Variants in DLG2 observed in about 807,000 individuals in gnomAD.
The protein encoded by DLG2 is disks large homolog 2.
DLG2 carries 45 observed loss-of-function variants against 132.5 expected under a neutral mutation model. The ratio of observed to expected loss-of-function variants is 0.34; its 90% CI spans 0.27 to 0.44. DLG2 has a LOEUF of 0.44. Among genes scored for constraint, DLG2 ranks in the 20% least tolerant of loss-of-function variants. DLG2 has a pLI of 1.00. For missense variants in DLG2, 1,045 were observed against 1,196.9 expected (o/e 0.87, Z 1.87); for synonymous variants, 424 against 419.6 (o/e 1.01, Z -0.13).
chr11:85,511,186 C>T (rs2094058509), intron 3 of DLG2, among the ~76,000 whole-genome samples: 1 of 151,774 alleles, frequency 6.6e-6, no homozygotes, highest in Non-Finnish European at 1.5e-5. Context: ...AACACATGGA[C>T]ACAGGAAGGG....
chr11:84,433,236 A>T (rs2098990132), intron 7 of DLG2, among the ~76,000 whole-genome samples: 1 of 152,214 alleles, frequency 6.6e-6, no homozygotes, highest in Admixed American at 6.5e-5. Context: ...AAACAAAACA[A>T]ATGAAATAAG....
intron 18 of DLG2, among the ~76,000 whole-genome samples, chr11:83,662,303 A>C (rs954013374): frequency 2.0e-5 from 3 of 152,192 alleles, no homozygotes; most frequent in African/African-American, 7.2e-5. Context: ...TTTCAAAGTC[A>C]ATACAGATTG....
intron 10 of DLG2, among the ~76,000 whole-genome samples, chr11:84,064,419 GAGGCTTGGTCAC>G (rs2096640438): frequency 6.6e-6 from 1 of 152,116 alleles, no homozygotes; most frequent in African/African-American, 2.4e-5. Flanking sequence ...CATGGCTTGG[GAGGCTTGGTCAC>G]AGCCAGATAG....
chr11:84,646,024 G>T (rs1486407450), intron 6 of DLG2, among the ~76,000 whole-genome samples: 1 of 152,204 alleles, frequency 6.6e-6, no homozygotes, highest in African/African-American at 2.4e-5. Context: ...TGAGAAGGGG[G>T]CCAGCTCTGA....
intron 8 of DLG2, among the ~76,000 whole-genome samples, chr11:84,200,160 G>A (rs1204924044): frequency 2.6e-5 from 4 of 151,936 alleles, no homozygotes; most frequent in Non-Finnish European, 5.9e-5. Flanking sequence ...CGAAGGGAAG[G>A]AAAAATTAGT....
At chr11:85,074,969 T>A (rs1414010835) in intron 6 of DLG2, among the ~76,000 whole-genome samples, 2 of 151,874 alleles carry the variant, frequency 1.3e-5, no homozygotes, top group Non-Finnish European at 2.9e-5. Context: ...ATGCTCTCCT[T>A]TCCATTGTTT....
At chr11:84,415,607 G>T (rs188267124) in intron 7 of DLG2, among the ~76,000 whole-genome samples, 19 of 152,226 alleles carry the variant, frequency 1.2e-4, no homozygotes, top group African/African-American at 4.3e-4. Context: ...ATTAGGATTC[G>T]TGATTCCAAA....
chr11:84,022,538 T>C (rs1160451408), intron 11 of DLG2, among the ~76,000 whole-genome samples: 1 of 152,214 alleles, frequency 6.6e-6, no homozygotes, highest in Non-Finnish European at 1.5e-5. Flanking sequence ...ACTCAGCTGC[T>C]AGCAGGAGAG....
At chr11:84,476,248 T>A (rs771847864) in intron 7 of DLG2, among the ~76,000 whole-genome samples, 1 of 152,150 alleles carries the variant, frequency 6.6e-6, no homozygotes, top group Non-Finnish European at 1.5e-5. Context: ...ATGGCTTGTG[T>A]GCTGACCTTC....
At chr11:85,153,665 T>G (rs1594886101) in intron 5 of DLG2, among the ~76,000 whole-genome samples, 1 of 152,168 alleles carries the variant, frequency 6.6e-6, no homozygotes, top group South Asian at 2.1e-4. Context: ...AAATATGAAG[T>G]ATTTATTCCT....
intron 3 of DLG2, among the ~76,000 whole-genome samples, chr11:85,498,336 C>T (rs1326514145): frequency 6.6e-6 from 1 of 152,066 alleles, no homozygotes; most frequent in Non-Finnish European, 1.5e-5. Context: ...ACAAAGAATG[C>T]CATTACATAA....
At position 84,896,625 on chromosome 11, in the gene DLG2, C is replaced by G. The variant is rs548733619; in HGVS notation, c.357+215036G>C. Among the ~76,000 whole-genome samples the G allele has an allele frequency of 3.9e-5, 6 of 152,116 alleles. No individual in the cohort carries two copies. In the South Asian group the frequency reaches 1.2e-3, roughly 31 times the overall value. On this transcript the variant is annotated intron_variant, in intron 6 of 27. Transcript: ENST00000376104. ...ATGATGCATATGAAAACAGCATAAACAGAGATAGTAGTTGCCACTTATCCA... is the reference window on the plus strand; with the variant it reads ...ATGATGCATATGAAAACAGCATAAAGAGAGATAGTAGTTGCCACTTATCCA...
At chr11:84,050,412 A>T (rs926941621) in intron 11 of DLG2, among the ~76,000 whole-genome samples, 1 of 151,686 alleles carries the variant, frequency 6.6e-6, no homozygotes, top group African/African-American at 2.4e-5. Context: ...TAGATTCTGG[A>T]TATTAGCCTT....
intron 19 of DLG2, among the ~76,000 whole-genome samples, chr11:83,561,553 T>C (rs1403216792): frequency 6.6e-6 from 1 of 152,246 alleles, no homozygotes; most frequent in African/African-American, 2.4e-5. Flanking sequence ...TTATTTGTAC[T>C]GTAGCTTAGT....
chr11:83,751,388 C>T (rs1593626272), intron 18 of DLG2, among the ~76,000 whole-genome samples: 2 of 152,002 alleles, frequency 1.3e-5, no homozygotes, highest in South Asian at 4.2e-4. Context: ...AGGACTTTGG[C>T]TTTTGCTCTG....
At chr11:84,961,527 TG>T (rs1167466665) in intron 6 of DLG2, among the ~76,000 whole-genome samples, 3 of 12,562 alleles carry the variant, frequency 2.4e-4, no homozygotes, top group East Asian at 0.042. Flanking sequence ...ATTGTATCTT[TG>T]TGTGTGTGTG....
chr11:84,575,679 C>T (rs868566706), intron 6 of DLG2, among the ~76,000 whole-genome samples: 1 of 152,142 alleles, frequency 6.6e-6, no homozygotes, highest in African/African-American at 2.4e-5. Flanking sequence ...CTTTGTGTTA[C>T]AAACAATCCA....
intron 6 of DLG2, among the ~76,000 whole-genome samples, chr11:84,981,098 C>T (rs2055674574): frequency 6.6e-6 from 1 of 151,994 alleles, no homozygotes; most frequent in African/African-American, 2.4e-5. Context: ...TAATAAAGTG[C>T]CTGGATATAT....
At chr11:84,500,349 G>GA (rs147115246) in intron 7 of DLG2, among the ~76,000 whole-genome samples, 10,891 of 114,424 alleles carry the variant, frequency 0.095, 494 homozygotes, top group South Asian at 0.16. Flanking sequence ...TTGGTTGCAA[G>GA]AAAAAAAAAA....
Sources: allele counts gnomAD v4.1 joint callset (sites outside exome capture counted in the v4.1 genomes callset), GRCh38; gene constraint gnomAD v4.1.1; transcripts MANE v1.5; gene names NCBI Gene and HGNC (gene_info 2026-07-23, HGNC 2026-07-21).